The following UNC13C variants were observed in gnomAD, a reference collection of about 807,000 sequenced individuals.
UNC13C encodes the protein unc-13 homolog C.
In UNC13C, 174 loss-of-function variants were observed where a neutral mutation model predicts 245.4. The observed-to-expected ratio is 0.71, with a 90% CI of 0.63 to 0.80. The LOEUF (loss-of-function observed/expected upper bound fraction) is 0.80. UNC13C is among the 30% of genes least tolerant of loss of function. UNC13C has a pLI of 0.00. For synonymous variants in UNC13C, 992 were observed against 895.1 expected, an observed-to-expected ratio of 1.11 and a Z score of -1.93; for missense variants, 2,829 against 2,602.9, an observed-to-expected ratio of 1.09 and a Z score of -1.89.
chr15:54,517,615 G>T (rs979689786), intron 24 of UNC13C, among the ~76,000 whole-genome samples: 3 of 152,048 alleles, frequency 2.0e-5, no homozygotes, highest in Admixed American at 6.6e-5. Context: ...TGAAAAAAAG[G>T]TCTGAGCACA....
chr15:54,494,708 C>G lies in UNC13C; in HGVS notation c.5034C>G (p.Phe1678Leu). 6.2e-7 allele frequency: 1 copy of G among 1,610,564 alleles called. No homozygotes were observed. Among genetic ancestry groups the G allele is most frequent in the Non-Finnish European group, 8.5e-7 (1 of 1,178,422 alleles). ...AATATGTGCGTGAACTTCCTGCCTT[C>G]AAGGATGCTGTTCCTGAATACTCCT... ...YNEYVRELPA[F>L]KDAVPEYSLW... Residue 1678 changes from phenylalanine to leucine, a missense_variant, in exon 20 of 33, where the codon TTC becomes TTG. Coordinates refer to ENST00000260323, the MANE Select transcript of UNC13C (RefSeq NM_001080534.3).
intron 11 of UNC13C, among the ~76,000 whole-genome samples, chr15:54,296,409 G>A (rs950414057): frequency 6.9e-6 from 1 of 145,408 alleles, no homozygotes; most frequent in African/African-American, 2.6e-5. Flanking sequence ...TAGTGGAGAC[G>A]GGGTTTCACC....
intron 2 of UNC13C, among the ~76,000 whole-genome samples, chr15:54,111,941 AC>A (rs751431614): frequency 6.6e-6 from 1 of 152,000 alleles, no homozygotes; most frequent in African/African-American, 2.4e-5. Context: ...TTTATAGAGA[AC>A]CTTTTGCCAC....
At chr15:53,894,015 A>G in the UNC13C span, among the ~76,000 whole-genome samples, 27 of 152,222 alleles carry the variant, frequency 1.8e-4, no homozygotes, top group Non-Finnish European at 2.9e-5. Flanking sequence ...TGTGAAGACC[A>G]TGGGAAAAGT....
chr15:54,598,710 T>C (rs372826807), intron 30 of UNC13C, among the ~76,000 whole-genome samples: 3 of 152,308 alleles, frequency 2.0e-5, no homozygotes, highest in Admixed American at 6.5e-5. Context: ...CAATTTTCCC[T>C]CTTTTTAAAA....
At chr15:54,278,939 CA>C (rs1228908007) in intron 10 of UNC13C, among the ~76,000 whole-genome samples, 2 of 152,056 alleles carry the variant, frequency 1.3e-5, no homozygotes, top group Non-Finnish European at 2.9e-5. Context: ...TATGTTTGAT[CA>C]AATTGGGTTG....
At chr15:54,117,898 AAG>A (rs1388750044) in intron 2 of UNC13C, among the ~76,000 whole-genome samples, 2 of 152,150 alleles carry the variant, frequency 1.3e-5, no homozygotes, top group East Asian at 3.9e-4. Flanking sequence ...ATATATTGAG[AAG>A]AGTGTCTTTT....
At position 54,252,890 on chromosome 15, in the gene UNC13C, C is replaced by T. The variant is rs79787919; in HGVS notation, c.3448+2446C>T. On this transcript the variant is annotated intron_variant, in intron 8 of 32. Transcript: ENST00000260323. The stretch of plus-strand genomic sequence containing the variant: ...CAGTTTAACTCATGACTTTAGAATG[C>T]TAGTTCATAAATTAAAATTTAAGCC... 1.3e-3 allele frequency among the ~76,000 whole-genome samples: 205 copies of T among 152,232 alleles called. 4 individuals are homozygous for T. The East Asian group carries it at 0.017, about 13-fold the overall frequency.
At chr15:53,875,130 C>T in the UNC13C span, among the ~76,000 whole-genome samples, 98 of 152,098 alleles carry the variant, frequency 6.4e-4, no homozygotes, top group African/African-American at 2.0e-3. Context: ...ATGTGACTTT[C>T]CCCCACATCT....
At chr15:54,259,675 C>T (rs2036373705) in intron 8 of UNC13C, among the ~76,000 whole-genome samples, 1 of 152,010 alleles carries the variant, frequency 6.6e-6, no homozygotes, top group Admixed American at 6.5e-5. Context: ...AGGTACTGTG[C>T]ACTTTTACCT....
At chr15:54,442,250 CTTTTTTTTTTT>C (rs35414078) in intron 19 of UNC13C, among the ~76,000 whole-genome samples, 1 of 127,442 alleles carries the variant, frequency 7.8e-6, no homozygotes, top group Non-Finnish European at 1.6e-5. Flanking sequence ...TGTTCCAGTT[CTTTTTTTTTTT>C]TTTTTTTGAG....
At chr15:54,334,575 C>T (rs1424653515) in intron 16 of UNC13C, among the ~76,000 whole-genome samples, 2 of 151,864 alleles carry the variant, frequency 1.3e-5, no homozygotes, top group Non-Finnish European at 2.9e-5. Flanking sequence ...TTCACTAGAA[C>T]CTCTAAAAAT....
At chr15:54,608,085 G>A (rs1367490195) in intron 30 of UNC13C, among the ~76,000 whole-genome samples, 4 of 151,994 alleles carry the variant, frequency 2.6e-5, no homozygotes, top group South Asian at 2.1e-4. Flanking sequence ...ATAGCATTAC[G>A]GGATAAGTCA....
At chr15:53,879,000 C>A in the UNC13C span, among the ~76,000 whole-genome samples, 1 of 152,134 alleles carries the variant, frequency 6.6e-6, no homozygotes, top group Non-Finnish European at 1.5e-5. Context: ...CTGAGTATGG[C>A]TCCCTGAAAA....
chr15:54,345,847 C>G (rs906135846), intron 17 of UNC13C, among the ~76,000 whole-genome samples: 3 of 152,190 alleles, frequency 2.0e-5, no homozygotes, highest in African/African-American at 7.2e-5. Context: ...CTCCTGACTT[C>G]AACATCATCT....
chr15:54,587,739 A>G (rs1898567531), intron 30 of UNC13C, among the ~76,000 whole-genome samples: 2 of 152,044 alleles, frequency 1.3e-5, no homozygotes, highest in African/African-American at 4.8e-5. Flanking sequence ...TGCCCAGCCA[A>G]CTCTCTGATT....
intron 19 of UNC13C, among the ~76,000 whole-genome samples, chr15:54,455,523 CTTTT>C (rs376576049): frequency 7.9e-6 from 1 of 126,892 alleles, no homozygotes; most frequent in African/African-American, 2.9e-5. Context: ...CCAACATCTG[CTTTT>C]TTTTTTTTTT....
intron 13 of UNC13C, among the ~76,000 whole-genome samples, chr15:54,304,738 G>C (rs1339079674): frequency 1.3e-5 from 2 of 149,596 alleles, no homozygotes; most frequent in East Asian, 4.0e-4. Flanking sequence ...ATTAACTTTG[G>C]TGCAATTTTT....
rs1297068536 is a variant in UNC13C, at chr15:54,460,158, G to T, written c.4934-34450G>T. Among the ~76,000 whole-genome samples the T allele has an allele frequency of 8.5e-5, 13 of 152,246 alleles. No homozygotes were observed. The East Asian group carries it at 2.5e-3, about 29-fold the overall frequency. ...AAGCCAGACTCGAGTGATTGTTATT[G>T]CCCTTCTAAGTTTGTCCACCCAGTA... On this transcript the variant is annotated intron_variant, in intron 19 of 32. Transcript: ENST00000260323.
Sources: allele counts gnomAD v4.1 joint callset (sites outside exome capture counted in the v4.1 genomes callset), GRCh38; gene constraint gnomAD v4.1.1; transcripts MANE v1.5; gene names NCBI Gene and HGNC (gene_info 2026-07-23, HGNC 2026-07-21).